The following ENOX1 variants were observed in gnomAD, a reference collection of about 807,000 sequenced individuals.
The protein encoded by ENOX1 is ecto-NOX disulfide-thiol exchanger 1.
In ENOX1, 42 loss-of-function variants were observed where a neutral mutation model predicts 82.5. That is an observed-to-expected ratio of 0.51 (90% CI 0.40 to 0.66). The LOEUF (loss-of-function observed/expected upper bound fraction) is 0.66, where lower values mean the gene tolerates loss of function less well. Ranked by LOEUF, ENOX1 falls within the 30% of genes least tolerant of loss-of-function variation. The probability of loss-of-function intolerance (pLI) is 0.00; values close to 1 mark genes in which losing one functional copy is unlikely to be tolerated. For missense variants in ENOX1, 608 were observed against 811.6 expected, an observed-to-expected ratio of 0.75 and a Z score of 3.05; for synonymous variants, 271 against 282.2, an observed-to-expected ratio of 0.96 and a Z score of 0.40.
rs1233404171 is a variant in ENOX1 at position 43,736,547 on chromosome 13, GATCCTGTGCTA to G, written c.-285+50094_-285+50104del. On this transcript the variant is annotated intron_variant, in intron 1 of 16. Transcript: ENST00000690772. ...GTCTGTCAAAATGGTCATAAGATAG[GATCCTGTGCTA>G]ACGGTTGTGGACAAACTGTGAAGTG... Among the ~76,000 whole-genome samples the G allele has an allele frequency of 1.1e-4, 17 of 152,288 alleles. No individual in the cohort carries two copies. In the South Asian group the frequency reaches 3.1e-3, roughly 28 times the overall value.
At chr13:43,353,425 GA>G (rs1225020148) in intron 8 of ENOX1, among the ~76,000 whole-genome samples, 1 of 152,078 alleles carries the variant, frequency 6.6e-6, no homozygotes, top group Non-Finnish European at 1.5e-5. Flanking sequence ...CTCAGGGGAG[GA>G]AAAAAATCAA....
At chr13:43,747,116 T>A (rs1185854760) in intron 1 of ENOX1, among the ~76,000 whole-genome samples, 1 of 152,094 alleles carries the variant, frequency 6.6e-6, no homozygotes, top group Non-Finnish European at 1.5e-5. Context: ...GCTCTACCAT[T>A]TACAGTCACA....
intron 2 of ENOX1, among the ~76,000 whole-genome samples, chr13:43,520,392 T>C (rs550905451): frequency 6.6e-6 from 1 of 152,300 alleles, no homozygotes; most frequent in Admixed American, 6.5e-5. Context: ...ATTATCTTAC[T>C]AATAAATTCC....
intron 5 of ENOX1, among the ~76,000 whole-genome samples, chr13:43,406,810 G>C (rs1183427196): frequency 2.0e-5 from 3 of 152,012 alleles, no homozygotes; most frequent in Non-Finnish European, 4.4e-5. Context: ...ATGTCTTTTT[G>C]GAACATGTGT....
chr13:43,349,154 G>T (rs111670063), intron 8 of ENOX1, among the ~76,000 whole-genome samples: 135 of 152,316 alleles, frequency 8.9e-4, no homozygotes, highest in African/African-American at 3.0e-3. Context: ...TCATGTCAAA[G>T]AGTATTTTCA....
At chr13:43,411,787 G>A in intron 5 of ENOX1, 129 bp downstream of exon 5, 1 of 1,183,754 alleles carries the variant, frequency 8.4e-7, no homozygotes, top group South Asian at 1.6e-5. Flanking sequence ...AGTACAACTT[G>A]CCAAACATGC....
chr13:43,384,904 G>GT (rs1459926637), intron 5 of ENOX1, among the ~76,000 whole-genome samples: 1 of 152,108 alleles, frequency 6.6e-6, no homozygotes, highest in East Asian at 1.9e-4. Context: ...TTGTTTCCTG[G>GT]TTTTTTCCTT....
intron 1 of ENOX1, among the ~76,000 whole-genome samples, chr13:43,688,076 C>A (rs889252081): frequency 6.6e-6 from 1 of 152,002 alleles, no homozygotes; most frequent in Non-Finnish European, 1.5e-5. Flanking sequence ...TGCCCTTATC[C>A]TAAGGGCAAT....
At chr13:43,443,292 T>C (rs2056456447) in intron 3 of ENOX1, among the ~76,000 whole-genome samples, 1 of 152,170 alleles carries the variant, frequency 6.6e-6, no homozygotes, top group African/African-American at 2.4e-5. Flanking sequence ...TACATAGTAA[T>C]ATATGGCTAA....
intron 2 of ENOX1, among the ~76,000 whole-genome samples, chr13:43,583,852 G>A (rs1019832142): frequency 5.4e-5 from 8 of 148,810 alleles, no homozygotes; most frequent in Non-Finnish European, 3.0e-5. Flanking sequence ...TAAGGGCCAT[G>A]TCTTATGTAC....
chr13:43,686,161 C>G (rs1288856300), intron 1 of ENOX1, among the ~76,000 whole-genome samples: 1 of 152,072 alleles, frequency 6.6e-6, no homozygotes, highest in Non-Finnish European at 1.5e-5. Context: ...CGGGATATAC[C>G]AGGACTTTAT....
intron 2 of ENOX1, among the ~76,000 whole-genome samples, chr13:43,654,565 T>A (rs982926299): frequency 6.6e-6 from 1 of 152,226 alleles, no homozygotes; most frequent in African/African-American, 2.4e-5. Context: ...TGCTGGTTGA[T>A]CTTGATTGCA....
chr13:43,686,208 G>A, intron 1 of ENOX1, among the ~76,000 whole-genome samples: 1 of 152,146 alleles, frequency 6.6e-6, no homozygotes, highest in East Asian at 1.9e-4. Context: ...ATAATATCTT[G>A]AGGTAGACTG....
chr13:43,651,281 A>C (rs2084157906), intron 2 of ENOX1, among the ~76,000 whole-genome samples: 1 of 152,202 alleles, frequency 6.6e-6, no homozygotes, highest in African/African-American at 2.4e-5. Flanking sequence ...GGAGGAGAAG[A>C]GGAACAGGGA....
intron 9 of ENOX1, among the ~76,000 whole-genome samples, chr13:43,330,311 C>A (rs1033421491): frequency 1.3e-5 from 2 of 152,272 alleles, no homozygotes; most frequent in African/African-American, 4.8e-5. Context: ...TTGAGACCTA[C>A]TCCCTACCCA....
intron 16 of ENOX1, among the ~76,000 whole-genome samples, chr13:43,219,383 C>T (rs1393639219): frequency 1.3e-5 from 2 of 152,106 alleles, no homozygotes; most frequent in Non-Finnish European, 2.9e-5. Flanking sequence ...CCCCATACAC[C>T]ATGTATTTGG....
intron 2 of ENOX1, among the ~76,000 whole-genome samples, chr13:43,616,638 A>G (rs1022454337): frequency 4.6e-5 from 7 of 152,102 alleles, no homozygotes; most frequent in Non-Finnish European, 8.8e-5. Flanking sequence ...TGTAAGAAAA[A>G]CTGTTTGTAA....
chr13:43,785,958 G>A (rs900439372), intron 1 of ENOX1, among the ~76,000 whole-genome samples: 1 of 151,990 alleles, frequency 6.6e-6, no homozygotes, highest in Non-Finnish European at 1.5e-5. Flanking sequence ...CGAGGCGCGG[G>A]CTCTGCACCC....
chr13:43,356,148 A>G lies in ENOX1; in HGVS notation c.594T>C (p.Tyr198=). The G allele has an allele frequency of 6.2e-7, 1 of 1,613,800 alleles. No individual in the cohort carries two copies. Among genetic ancestry groups the G allele is most frequent in the Non-Finnish European group, 8.5e-7 (1 of 1,179,920 alleles). The change falls in exon 8 of 17, where the codon TAT becomes TAC. Residue 198 remains tyrosine, a synonymous_variant. Transcript: ENST00000690772. ...CGGTGCTAGACCCTAATCGCATCCT[A>G]TAACCTGAAACCAATGGAAACTCTG... The part of the protein sequence containing the change: ...MVDKAIYLSG[Y]RMRLGSSTDK...
Sources: allele counts gnomAD v4.1 joint callset (sites outside exome capture counted in the v4.1 genomes callset), GRCh38; gene constraint gnomAD v4.1.1; transcripts MANE v1.5; gene names NCBI Gene and HGNC (gene_info 2026-07-23, HGNC 2026-07-21).